GAD2: variants seen among roughly 807,000 people sequenced by gnomAD.
The protein encoded by GAD2 is glutamate decarboxylase 2.
A neutral mutation model predicts 80.1 loss-of-function variants in GAD2; 22 were observed. The observed-to-expected ratio is 0.27, with a 90% CI of 0.20 to 0.39. The LOEUF is 0.39. Among genes scored for constraint, GAD2 ranks in the 10% least tolerant of loss-of-function variants. The pLI is 1.00. For synonymous variants in GAD2, 274 were observed against 256.9 expected (o/e 1.07, Z -0.64); for missense variants, 624 against 738.4 (o/e 0.85, Z 1.80).
In GAD2 at chr10:26,217,967, A is replaced by G. The variant is rs1844401244; in HGVS notation, c.262A>G (p.Asn88Asp). Reference protein sequence around the residue: ...KPCSCSKVDVNYAFLHATDLL... With the variant: ...KPCSCSKVDVDYAFLHATDLL... The stretch of plus-strand genomic sequence containing the variant: ...CTGCAGCTGCTCCAAAGTGGATGTC[A>G]ACTACGCGTTTCTCCATGCAACAGG... Residue 88 changes from asparagine (N) to aspartate (D), a missense_variant, in exon 3 of 16, where the codon AAC becomes GAC. By Grantham distance (23) the Asn-to-Asp change is conservative. Coordinates refer to ENST00000376261, the MANE Select transcript of GAD2 (RefSeq NM_001134366.2). This position sits in a 1 kb window ranked among gnomAD's most constrained non-coding sequence, Gnocchi z 4.9. 6.2e-7 allele frequency: 1 copy of G among 1,611,178 alleles called. No individual in the cohort carries two copies. Among genetic ancestry groups the G allele is most frequent in the Non-Finnish European group, 8.5e-7 (1 of 1,178,840 alleles).
In GAD2 at chr10:26,229,758, T is replaced by A; in HGVS notation, c.821T>A (p.Ile274Asn). ...GGAATGGCTGCTCTTCCCAGGCTCA[T>A]TGCCTTCACGTCTGAACATGTATGT... Reference protein sequence around the residue: ...EKGMAALPRLIAFTSEHSHFS... With the variant: ...EKGMAALPRLNAFTSEHSHFS... Residue 274 changes from isoleucine (I) to asparagine (N), a missense_variant, in exon 7 of 16, where the codon ATT (isoleucine) becomes AAT (asparagine). Transcript: ENST00000376261. 6.2e-7 allele frequency: 1 copy of A among 1,613,222 alleles called. No homozygotes were observed. Among genetic ancestry groups the A allele is most frequent in the Non-Finnish European group, 8.5e-7 (1 of 1,179,154 alleles).
At chr10:26,219,018 G>A in intron 3 of GAD2, 25 bp from the exon 4 acceptor site, 1 of 1,486,198 alleles carries the variant, frequency 6.7e-7, no homozygotes, top group Non-Finnish European at 9.0e-7. Context: ...AAATTAAAAT[G>A]TGGCATTTTA....
At chr10:26,290,267 C>G (rs948514963) in intron 13 of GAD2, among the ~76,000 whole-genome samples, 59 of 152,172 alleles carry the variant, frequency 3.9e-4, no homozygotes, top group African/African-American at 1.4e-3. Context: ...GATAAATGCA[C>G]AGAAATCCAT....
intron 6 of GAD2, among the ~76,000 whole-genome samples, chr10:26,227,319 C>T (rs572018456): frequency 2.6e-5 from 4 of 152,310 alleles, no homozygotes; most frequent in South Asian, 2.1e-4. Context: ...GTAGGGCTCA[C>T]GCATTTGTCC....
intron 7 of GAD2, among the ~76,000 whole-genome samples, chr10:26,237,998 T>TCACACACA (rs775490775): frequency 8.5e-5 from 10 of 117,686 alleles, no homozygotes; most frequent in African/African-American, 3.7e-4. Context: ...CGAGACTCCA[T>TCACACACA]CACACAGACA....
At position 26,231,286 on chromosome 10, in the gene GAD2, C is replaced by T. The variant is rs117292726; in HGVS notation, c.840+1509C>T. Among the ~76,000 whole-genome samples the T allele has an allele frequency of 1.9e-3, 289 of 152,134 alleles. 2 individuals are homozygous for T. The highest frequency in any genetic ancestry group is 2.6e-3 in the Non-Finnish European group (174 of 67,994). ...ATGTCACTCAGGAGACGCAGGGAAC[C>T]GTGGTGGGTCTCAGATCCAGATCCA... On this transcript the variant is annotated intron_variant, in intron 7 of 15. Transcript: ENST00000376261.
At position 26,219,257 on chromosome 10, in the gene GAD2, A is replaced by G. The variant is rs1288235859; in HGVS notation, c.501A>G (p.Leu167=). ...TTTTGATGCATTGCCAAACAACTCT[A>G]AAATATGCAATTAAAACAGGTATTG... is the stretch of plus-strand genomic sequence containing the variant. ...EEILMHCQTT[L]KYAIKTGHPR... is the part of the protein sequence containing the mutation. The change falls in exon 4 of 16, where the codon CTA becomes CTG. Residue 167 remains leucine (L), a synonymous_variant. Transcript: ENST00000376261. 2.1e-5 allele frequency: 33 copies of G among 1,607,946 alleles called. No homozygotes were observed. The highest frequency in any genetic ancestry group is 2.8e-5 in the Non-Finnish European group (33 of 1,175,386).
intron 7 of GAD2, among the ~76,000 whole-genome samples, chr10:26,245,514 T>A (rs866053051): frequency 2.0e-5 from 3 of 151,930 alleles, no homozygotes; most frequent in Non-Finnish European, 2.9e-5. Context: ...CTTGGCTCAC[T>A]GCAACCTCCG....
intron 11 of GAD2, among the ~76,000 whole-genome samples, chr10:26,275,314 G>A (rs551517829): frequency 2.0e-5 from 3 of 152,336 alleles, no homozygotes; most frequent in African/African-American, 7.2e-5. Context: ...GCAACTGTAA[G>A]TGCTGAAAGT....
chr10:26,267,461 G>C (rs1259990100), intron 8 of GAD2, among the ~76,000 whole-genome samples: 2 of 152,194 alleles, frequency 1.3e-5, no homozygotes, highest in African/African-American at 4.8e-5. Flanking sequence ...GATTTATAAG[G>C]AGTGAGAAGC....
At chr10:26,256,581 T>G (rs1844946071) in intron 8 of GAD2, among the ~76,000 whole-genome samples, 1 of 152,212 alleles carries the variant, frequency 6.6e-6, no homozygotes, top group Non-Finnish European at 1.5e-5. Flanking sequence ...ACATTGATGT[T>G]TTTTATGAGT....
chr10:26,294,027 A>G (rs1200543291), intron 15 of GAD2, among the ~76,000 whole-genome samples: 1 of 152,242 alleles, frequency 6.6e-6, no homozygotes, highest in East Asian at 1.9e-4. Flanking sequence ...TCCTGCTCCC[A>G]GCACTTATAC....
intron 8 of GAD2, among the ~76,000 whole-genome samples, chr10:26,254,201 T>C (rs1191295732): frequency 6.6e-6 from 1 of 152,176 alleles, no homozygotes; most frequent in African/African-American, 2.4e-5. Context: ...CACGCCTGGC[T>C]AATTTTTTTA....
intron 15 of GAD2, among the ~76,000 whole-genome samples, chr10:26,294,066 T>A (rs1485098787): frequency 1.3e-5 from 2 of 152,220 alleles, no homozygotes; most frequent in Non-Finnish European, 2.9e-5. Context: ...ACAGTGCACA[T>A]CGAAGCGGGG....
chr10:26,300,072 T>G (rs1307739624), intron 15 of GAD2, among the ~76,000 whole-genome samples: 3 of 152,172 alleles, frequency 2.0e-5, no homozygotes, highest in African/African-American at 7.2e-5. Flanking sequence ...GAAAGGTCTT[T>G]GCACTGAACT....
At chr10:26,286,548 T>C in intron 13 of GAD2, 54 bp downstream of exon 13, 5 of 1,518,082 alleles carry the variant, frequency 3.3e-6, no homozygotes, top group Non-Finnish European at 3.5e-6. Context: ...CTTTATCTGG[T>C]GACCCCATTA....
At chr10:26,269,036 C>T (rs1845103227) in intron 8 of GAD2, 83 bp from the exon 9 acceptor site, 1 of 1,001,208 alleles carries the variant, frequency 1.0e-6, no homozygotes, top group Admixed American at 2.2e-5. Context: ...TGGGGTTGGA[C>T]TTTACCCTCC....
upstream of GAD2, chr10:26,216,555 G>A: frequency 5.8e-6 from 2 of 345,812 alleles, no homozygotes; most frequent in Non-Finnish European, 1.0e-5. The surrounding 1 kb of genome is among the most constrained non-coding windows in gnomAD (Gnocchi z 4.7). Context: ...AGGTAGTCCC[G>A]GTCTCTTTTA....
intron 5 of GAD2, 58 bp from the exon 6 acceptor site, chr10:26,224,481 G>T (rs892979032): frequency 6.1e-6 from 6 of 984,708 alleles, no homozygotes; most frequent in Middle Eastern, 2.0e-4. Context: ...CTATTGTAAT[G>T]ATTGTAAATT....
Sources: allele counts gnomAD v4.1 joint callset (sites outside exome capture counted in the v4.1 genomes callset), GRCh38; gene constraint gnomAD v4.1.1; non-coding constraint Gnocchi (gnomAD v3.1); transcripts MANE v1.5; gene names NCBI Gene and HGNC (gene_info 2026-07-23, HGNC 2026-07-21).